Variants in RORA observed in about 807,000 individuals in gnomAD.
RORA encodes RAR related orphan receptor A.
RORA carries 7 observed loss-of-function variants against 69.5 expected under a neutral mutation model. That is an observed-to-expected ratio of 0.10 (90% CI 0.06 to 0.19). RORA has a LOEUF of 0.19. RORA is among the 10% of genes least tolerant of loss of function. The pLI, the probability that RORA is intolerant of heterozygous loss-of-function variation, is 1.00. For missense variants in RORA, 457 were observed against 663.0 expected (o/e 0.69, Z 3.41); for synonymous variants, 261 against 240.8 (o/e 1.08, Z -0.78).
chr15:61,203,750 A>G (rs1310042933), intron 1 of RORA, among the ~76,000 whole-genome samples: 2 of 152,250 alleles, frequency 1.3e-5, no homozygotes, highest in African/African-American at 4.8e-5. Flanking sequence ...GCTTAAACAT[A>G]TCATAGTGAC....
chr15:61,028,768 T>A (rs1895966385), intron 1 of RORA, among the ~76,000 whole-genome samples: 1 of 152,208 alleles, frequency 6.6e-6, no homozygotes, highest in African/African-American at 2.4e-5. Context: ...TAAAATATAG[T>A]CTGTCCATAC....
intron 1 of RORA, among the ~76,000 whole-genome samples, chr15:60,889,466 G>T (rs145183309): frequency 7.4e-4 from 112 of 152,338 alleles, no homozygotes; most frequent in African/African-American, 2.6e-3. Context: ...TCACTGCCTT[G>T]CAGACTTCCT....
chr15:60,992,473 T>C (rs1167718130), intron 1 of RORA, among the ~76,000 whole-genome samples: 1 of 152,094 alleles, frequency 6.6e-6, no homozygotes, highest in Non-Finnish European at 1.5e-5. Flanking sequence ...AGACACAACA[T>C]ATATAAGAAT....
rs183294640 is a variant in RORA at position 60,818,511 on chromosome 15, A to G, written c.167-139825T>C. Among the ~76,000 whole-genome samples, 781 of 152,302 alleles carry G rather than the reference A, an allele frequency of 5.1e-3. 8 individuals carry two copies. The highest frequency in any genetic ancestry group is 0.018 in the African/African-American group (748 of 41,560). On this transcript the variant is annotated intron_variant, in intron 1 of 10. Transcript: ENST00000335670. ...GCAAAGTGGCAAAGCCCAATGCAGAACCAGCATGTGTTTGAATCCCACCTT... is the reference window on the plus strand; with the variant it reads ...GCAAAGTGGCAAAGCCCAATGCAGAGCCAGCATGTGTTTGAATCCCACCTT...
intron 1 of RORA, among the ~76,000 whole-genome samples, chr15:60,758,971 T>C (rs1022840973): frequency 6.6e-6 from 1 of 152,210 alleles, no homozygotes; most frequent in African/African-American, 2.4e-5. Flanking sequence ...GAATGCCACA[T>C]AGCAAGTTAG....
At chr15:60,560,786 C>T (rs1051335811) in intron 2 of RORA, among the ~76,000 whole-genome samples, 1 of 152,164 alleles carries the variant, frequency 6.6e-6, no homozygotes, top group Admixed American at 6.5e-5. Flanking sequence ...TTCCCAGCAG[C>T]AGCTGCTAAT....
At chr15:60,607,783 T>C (rs1311089186) in intron 2 of RORA, among the ~76,000 whole-genome samples, 1 of 152,194 alleles carries the variant, frequency 6.6e-6, no homozygotes, top group Non-Finnish European at 1.5e-5. Context: ...TTGCTATTTA[T>C]ATAATAATGT....
chr15:60,513,661 C>T (rs2065774688), intron 4 of RORA, among the ~76,000 whole-genome samples: 3 of 152,144 alleles, frequency 2.0e-5, no homozygotes, highest in African/African-American at 7.2e-5. Flanking sequence ...TTGTATCTTC[C>T]AATGTCAAAA....
chr15:60,603,583 T>A lies in RORA; in HGVS notation c.197-71732A>T, dbSNP rs140286811. ...TCTGTGAGTCTGTGCTCATAACTTT[T>A]TTGTCAACTGATCAATACCTAACTT... is the stretch of plus-strand genomic sequence containing the variant. On this transcript the variant is annotated intron_variant, in intron 2 of 10. Transcript: ENST00000335670. Among the ~76,000 whole-genome samples, 460 of 152,372 alleles carry A rather than the reference T, an allele frequency of 3.0e-3. 6 individuals carry two copies. The highest frequency in any genetic ancestry group is 0.024 in the Middle Eastern group (7 of 294).
At position 60,542,320 on chromosome 15, in the gene RORA, ACACACACAC is replaced by A. The variant is rs1305170225; in HGVS notation, c.197-10478_197-10470del. Reference sequence around the variant, plus strand: ...TACCATCTTAAATGGTAACACAGGCACACACACACCACACATACACACACATACCACACA... The same window carrying A: ...TACCATCTTAAATGGTAACACAGGCACACACATACACACACATACCACACA... On this transcript the variant is annotated intron_variant, in intron 2 of 10. Coordinates refer to ENST00000335670, the MANE Select transcript of RORA (RefSeq NM_134261.3). Among the ~76,000 whole-genome samples the A allele has an allele frequency of 2.6e-5, 4 of 151,394 alleles. No homozygotes were observed. In the East Asian group the frequency reaches 7.7e-4, roughly 29 times the overall value.
chr15:60,782,986 A>G (rs2072285189), intron 1 of RORA, among the ~76,000 whole-genome samples: 1 of 152,218 alleles, frequency 6.6e-6, no homozygotes, highest in Admixed American at 6.5e-5. Context: ...CTATACGCTA[A>G]GGAAATAATC....
intron 1 of RORA, among the ~76,000 whole-genome samples, chr15:60,796,181 C>T (rs1015550927): frequency 1.3e-5 from 2 of 152,148 alleles, no homozygotes; most frequent in African/African-American, 4.8e-5. Context: ...GCTCTCAGTG[C>T]CTCTCTGTAT....
chr15:60,841,752 G>C (rs113952522), intron 1 of RORA, among the ~76,000 whole-genome samples: 1 of 152,130 alleles, frequency 6.6e-6, no homozygotes, highest in East Asian at 1.9e-4. Flanking sequence ...TCATGATGTT[G>C]TGCTCCGCCC....
At chr15:61,212,987 T>C (rs1458698814) in intron 1 of RORA, among the ~76,000 whole-genome samples, 2 of 152,116 alleles carry the variant, frequency 1.3e-5, no homozygotes, top group Non-Finnish European at 2.9e-5. Context: ...ATTTTTTTGT[T>C]TTCTTGCCTA....
rs561855089 is a variant in RORA, at chr15:60,596,512, G to C, written c.197-64661C>G. On this transcript the variant is annotated intron_variant, in intron 2 of 10. Transcript: ENST00000335670. ...GTTTCCTATAAACACAATAGGGTCA[G>C]ACCCAGAGAGTTCTAAAGCAAGGAT... 5.3e-5 allele frequency among the ~76,000 whole-genome samples: 8 copies of C among 152,196 alleles called. 1 individual carries two copies. The South Asian group carries it at 1.7e-3, about 32-fold the overall frequency.
chr15:60,695,488 C>T (rs1035421786), intron 1 of RORA, among the ~76,000 whole-genome samples: 1 of 151,746 alleles, frequency 6.6e-6, no homozygotes, highest in South Asian at 2.1e-4. Context: ...TTCACCAGAT[C>T]CTGTTACAGG....
At chr15:60,630,699 G>A (rs141124294) in intron 2 of RORA, 20 of 152,270 alleles carry the variant, frequency 1.3e-4, no homozygotes, top group African/African-American at 4.6e-4. Context: ...CAGGTAAGTG[G>A]GTGAGTCTCA....
intron 1 of RORA, among the ~76,000 whole-genome samples, chr15:61,185,654 C>T (rs1424689323): frequency 1.3e-5 from 2 of 152,208 alleles, no homozygotes; most frequent in East Asian, 3.8e-4. Context: ...ATTGATCATG[C>T]AACAACTGAA....
chr15:60,790,051 T>C (rs1316644208), intron 1 of RORA, among the ~76,000 whole-genome samples: 1 of 152,180 alleles, frequency 6.6e-6, no homozygotes, highest in Non-Finnish European at 1.5e-5. Flanking sequence ...TGAGAACCTA[T>C]GACCCAAGAG....
Sources: allele counts gnomAD v4.1 joint callset (sites outside exome capture counted in the v4.1 genomes callset), GRCh38; gene constraint gnomAD v4.1.1; transcripts MANE v1.5; gene names NCBI Gene and HGNC (gene_info 2026-07-23, HGNC 2026-07-21).